BMP6: variants seen among roughly 807,000 people sequenced by gnomAD.
BMP6 encodes the protein bone morphogenetic protein 6, also known as VG-1-R.
In BMP6, 17 loss-of-function variants were observed where a neutral mutation model predicts 54.1. That is an observed-to-expected ratio of 0.31 (90% CI 0.22 to 0.47). The LOEUF is 0.47. Among genes scored for constraint, BMP6 ranks in the 20% least tolerant of loss-of-function variants. The pLI is 1.00. For synonymous variants in BMP6, 328 were observed against 291.2 expected, an observed-to-expected ratio of 1.13 and a Z score of -1.28; for missense variants, 720 against 690.4, an observed-to-expected ratio of 1.04 and a Z score of -0.48.
intron 1 of BMP6, among the ~76,000 whole-genome samples, chr6:7,760,587 C>A (rs543663460): frequency 6.6e-6 from 1 of 152,170 alleles, no homozygotes; most frequent in East Asian, 1.9e-4. Context: ...CCTGCCTCAG[C>A]CTCCCAAGTA....
At chr6:7,841,195 A>T (rs993550594) in intron 1 of BMP6, among the ~76,000 whole-genome samples, 1 of 152,202 alleles carries the variant, frequency 6.6e-6, no homozygotes, top group African/African-American at 2.4e-5. Flanking sequence ...GGTAAGAAAA[A>T]AGCTAGAATT....
At chr6:7,872,814 C>CTTTTTTTTTTT (rs55666956) in intron 4 of BMP6, among the ~76,000 whole-genome samples, 2 of 133,838 alleles carry the variant, frequency 1.5e-5, no homozygotes, top group Non-Finnish European at 3.1e-5. Flanking sequence ...CTTTTTTTTT[C>CTTTTTTTTTTT]TTTTTTTTTT....
At chr6:7,815,519 T>TGTTACTTTTGCTAA in intron 1 of BMP6, among the ~76,000 whole-genome samples, 1 of 152,240 alleles carries the variant, frequency 6.6e-6, no homozygotes, top group African/African-American at 2.4e-5. Context: ...TAGTACCTAC[T>TGTTACTTTTGCTAA]GTTACTTTTG....
Position 7,860,967 on chromosome 6 carries a change from G to A in BMP6, c.858-484G>A, listed in dbSNP as rs193214887. Among the ~76,000 whole-genome samples, 40 of 151,620 alleles carry A rather than the reference G, an allele frequency of 2.6e-4. No homozygotes were observed. In the East Asian group the frequency reaches 6.6e-3, roughly 25 times the overall value. ...CTTTCCCTGTTTTTAGAGCTTATTA[G>A]CCATAAAGTAAGCTAGTCACTAATA... is the stretch of plus-strand genomic sequence containing the variant. On this transcript the variant is annotated intron_variant, in intron 2 of 6. Coordinates refer to ENST00000283147, the MANE Select transcript of BMP6 (RefSeq NM_001718.6).
intron 2 of BMP6, among the ~76,000 whole-genome samples, chr6:7,857,520 A>G (rs952459555): frequency 2.2e-4 from 34 of 152,236 alleles, no homozygotes; most frequent in African/African-American, 7.7e-4. Flanking sequence ...TGTCACCTCA[A>G]TAGGAAGGTC....
At position 7,848,807 on chromosome 6, in the gene BMP6, A is replaced by G. The variant is rs567713294; in HGVS notation, c.857+3475A>G. Reference sequence around the variant, plus strand: ...CATGGTATTGCATGGTGTTTAAAAGATGACTTTGGTATTAAAATTTGGTGT... The same window carrying G: ...CATGGTATTGCATGGTGTTTAAAAGGTGACTTTGGTATTAAAATTTGGTGT... On this transcript the variant is annotated intron_variant, in intron 2 of 6. Coordinates refer to ENST00000283147, the MANE Select transcript of BMP6 (RefSeq NM_001718.6). 2.3e-4 allele frequency among the ~76,000 whole-genome samples: 35 copies of G among 152,318 alleles called. No individual in the cohort carries two copies. The South Asian group carries it at 6.4e-3, about 28-fold the overall frequency.
chr6:7,767,287 T>C (rs1204251654), intron 1 of BMP6, among the ~76,000 whole-genome samples: 1 of 152,222 alleles, frequency 6.6e-6, no homozygotes, highest in Non-Finnish European at 1.5e-5. Flanking sequence ...TAGTATAATT[T>C]TTAAAGATGT....
intron 1 of BMP6, among the ~76,000 whole-genome samples, chr6:7,742,849 C>T (rs1488673884): frequency 6.6e-6 from 1 of 152,088 alleles, no homozygotes; most frequent in Admixed American, 6.5e-5. Flanking sequence ...TAAAATTAAA[C>T]AACCCTTCAG....
At chr6:7,800,078 G>GA (rs1758246803) in intron 1 of BMP6, among the ~76,000 whole-genome samples, 1 of 121,986 alleles carries the variant, frequency 8.2e-6, no homozygotes, top group Non-Finnish European at 1.6e-5. Context: ...ATAAAGGAAG[G>GA]GGTGTGTGTG....
At chr6:7,772,051 CAAA>C (rs68086058) in intron 1 of BMP6, among the ~76,000 whole-genome samples, 3 of 141,290 alleles carry the variant, frequency 2.1e-5, no homozygotes, top group Non-Finnish European at 4.5e-5. Flanking sequence ...AAGCCTGCCT[CAAA>C]AAAAAAAACC....
chr6:7,838,910 C>T (rs926606390), intron 1 of BMP6, among the ~76,000 whole-genome samples: 12 of 147,476 alleles, frequency 8.1e-5, no homozygotes, highest in African/African-American at 3.1e-4. Flanking sequence ...CCACTGCACT[C>T]CAGCCTGGGT....
intron 1 of BMP6, among the ~76,000 whole-genome samples, chr6:7,837,578 G>A (rs143032083): frequency 6.6e-5 from 10 of 152,292 alleles, no homozygotes; most frequent in Non-Finnish European, 1.0e-4. Context: ...TCACTTATAA[G>A]TGGGAGCTAA....
At chr6:7,834,533 TA>T (rs201009020) in intron 1 of BMP6, among the ~76,000 whole-genome samples, 58 of 151,040 alleles carry the variant, frequency 3.8e-4, no homozygotes, top group South Asian at 8.3e-4. Flanking sequence ...TTTTTTTTTT[TA>T]AAATCATTGA....
At chr6:7,857,461 T>C (rs1581280385) in intron 2 of BMP6, among the ~76,000 whole-genome samples, 1 of 152,366 alleles carries the variant, frequency 6.6e-6, no homozygotes, top group South Asian at 2.1e-4. Context: ...TTAAAAATTA[T>C]CTTCCCTTGT....
Position 7,880,097 on chromosome 6 carries a change from C to A in BMP6, c.1388C>A (p.Thr463Asn), listed in dbSNP as rs1181044150. 2 of 1,614,116 alleles carry A rather than the reference C, an allele frequency of 1.2e-6. No individual in the cohort carries two copies. Among genetic ancestry groups the A allele is most frequent in the South Asian group, 2.2e-5 (2 of 91,076 alleles). Residue 463 changes from threonine (T) to asparagine (N), a missense_variant, in exon 6 of 7, where the codon ACC becomes AAC. Thr to Asn is a moderately conservative substitution (Grantham distance 65). Around this residue, in one of 3 missense-constraint regions of BMP6, gnomAD observed 27 missense variants for 80.1 expected, o/e 0.34. Transcript: ENST00000283147. ...MNATNHAIVQ[T>N]LVHLMNPEYV... ...GCAACCAACCACGCGATTGTGCAGACCTTGGTGAGCTCTCGGAGACTTTGT... is the reference window on the plus strand; with the variant it reads ...GCAACCAACCACGCGATTGTGCAGAACTTGGTGAGCTCTCGGAGACTTTGT...
rs537970187 is a variant in BMP6, at chr6:7,863,351, A to T, written c.1204+853A>T. 1.1e-3 allele frequency among the ~76,000 whole-genome samples: 175 copies of T among 152,202 alleles called. 2 individuals are homozygous for T. Among genetic ancestry groups the T allele is most frequent in the South Asian group, 4.2e-3 (20 of 4,818 alleles). ...TCCATGGGCTCAGATGATAATCAGG[A>T]ATCTCTCTCTTTTTCTGTTTTTCTA... On this transcript the variant is annotated intron_variant, in intron 4 of 6. Transcript: ENST00000283147.
rs944836097 is a variant in BMP6 at position 7,726,760 on chromosome 6, C to T, written c.-196C>T. The T allele has an allele frequency of 5.2e-5, 11 of 211,640 alleles. No individual in the cohort carries two copies. The highest frequency in any genetic ancestry group is 8.0e-5 in the Non-Finnish European group (9 of 112,306). The allele number at this position is 211,640 out of a possible 1,614,324, so 13.1% of individuals were successfully genotyped here. A position where few individuals can be genotyped will look rare whatever the true frequency, so the allele number is the denominator to read the frequency against. On this transcript the variant is annotated 5_prime_UTR_variant, in exon 1 of 7. Coordinates refer to ENST00000283147, the MANE Select transcript of BMP6 (RefSeq NM_001718.6). ...GGTTCTCCTGGTGATCGCCCCTTCGCCACCTCTCTAGCCTGGGCAACTGGG... is the reference window on the plus strand; with the variant it reads ...GGTTCTCCTGGTGATCGCCCCTTCGTCACCTCTCTAGCCTGGGCAACTGGG...
chr6:7,778,095 A>C (rs887947834), intron 1 of BMP6, among the ~76,000 whole-genome samples: 2 of 152,122 alleles, frequency 1.3e-5, no homozygotes, highest in Non-Finnish European at 2.9e-5. Flanking sequence ...ATTATTTTAA[A>C]TTACTGTTTA....
chr6:7,727,229 C>A lies in BMP6; in HGVS notation c.274C>A (p.Arg92=), dbSNP rs746580433. 1 of 1,605,510 alleles carries A rather than the reference C, an allele frequency of 6.2e-7. No homozygotes were observed. The highest frequency in any genetic ancestry group is 8.5e-7 in the Non-Finnish European group (1 of 1,176,722). The part of the protein sequence containing the change: ...EILSVLGLPH[R]PRPLHGLQQP... ...CTTGTCGGTGCTGGGGCTCCCGCAC[C>A]GGCCCCGGCCCCTGCACGGCCTCCA... The change falls in exon 1 of 7, where the codon CGG becomes AGG. Residue 92 remains arginine (R), a synonymous_variant. Coordinates refer to ENST00000283147, the MANE Select transcript of BMP6 (RefSeq NM_001718.6).
Sources: gnomAD v4.1 joint callset for allele counts (sites outside exome capture counted in the v4.1 genomes callset) on GRCh38, gnomAD v4.1.1 for gene constraint, gnomAD v4.1.1 regional missense constraint, MANE v1.5 for transcripts, NCBI Gene and HGNC (gene_info 2026-07-23, HGNC 2026-07-21) for gene names.